The following DYM variants were observed in gnomAD, a reference collection of about 807,000 sequenced individuals.
The protein encoded by DYM is dymeclin.
A neutral mutation model predicts 93.1 loss-of-function variants in DYM; 78 were observed. That is an observed-to-expected ratio of 0.84 (90% confidence interval 0.70 to 1.01). The LOEUF is 1.01. Ranked by LOEUF, DYM falls within the 50% of genes least tolerant of loss-of-function variation. The pLI is 0.00. For synonymous variants in DYM, 321 were observed against 319.7 expected (o/e 1.00, Z -0.04); for missense variants, 789 against 845.0 (o/e 0.93, Z 0.82).
intron 8 of DYM, among the ~76,000 whole-genome samples, chr18:49,317,641 C>A (rs1237357961): frequency 3.5e-5 from 2 of 56,410 alleles, no homozygotes; most frequent in Non-Finnish European, 6.5e-5. Flanking sequence ...CTCCTATCCT[C>A]TCCTCTCCTT....
chr18:49,438,040 A>T (rs1361507537), intron 1 of DYM, among the ~76,000 whole-genome samples: 1 of 152,178 alleles, frequency 6.6e-6, no homozygotes, highest in Admixed American at 6.5e-5. Flanking sequence ...TTTAAAAACT[A>T]GCTGGGCGTG....
chr18:49,065,517 C>T (rs2076323776), intron 17 of DYM, among the ~76,000 whole-genome samples: 1 of 152,168 alleles, frequency 6.6e-6, no homozygotes, highest in Non-Finnish European at 1.5e-5. Flanking sequence ...GATGCACCAC[C>T]ATGCCTGGCT....
chr18:49,334,843 C>T (rs1312976522), intron 6 of DYM, among the ~76,000 whole-genome samples: 1 of 152,166 alleles, frequency 6.6e-6, no homozygotes, highest in African/African-American at 2.4e-5. Flanking sequence ...CAGTGGCTCA[C>T]GCCTGTAATC....
chr18:49,272,158 T>C lies in DYM; in HGVS notation c.1251+20A>G. 6.2e-7 allele frequency: 1 copy of C among 1,609,812 alleles called. No homozygotes were observed. On this transcript the variant is annotated intron_variant, in intron 11 of 17. Coordinates refer to ENST00000675505, the MANE Select transcript of DYM (RefSeq NM_001353214.3). ...TCTGTTCTGTTAACTCTAACTCTAA[T>C]CCAAGTAATGGTAACTTACCACTTC...
intron 5 of DYM, among the ~76,000 whole-genome samples, chr18:49,364,370 G>A (rs922361176): frequency 1.3e-4 from 19 of 151,990 alleles, no homozygotes; most frequent in East Asian, 3.9e-4. Context: ...GCTTGAACCC[G>A]GGAGGAAGAG....
intron 17 of DYM, among the ~76,000 whole-genome samples, chr18:49,079,112 T>A (rs1461439318): frequency 3.3e-5 from 5 of 152,252 alleles, no homozygotes; most frequent in African/African-American, 9.6e-5. Context: ...TCTGTCTTTT[T>A]TCCATTTGGC....
chr18:49,432,891 A>C (rs964778856), intron 1 of DYM, among the ~76,000 whole-genome samples: 14 of 152,174 alleles, frequency 9.2e-5, no homozygotes, highest in Admixed American at 6.5e-5. Flanking sequence ...TGAGCTACTG[A>C]GCCTGGCCAA....
At chr18:49,058,321 T>C (rs1046680350) in intron 17 of DYM, among the ~76,000 whole-genome samples, 12 of 151,428 alleles carry the variant, frequency 7.9e-5, no homozygotes, top group Admixed American at 1.3e-4. Context: ...TTTTCTTCTT[T>C]TTTTTTTTTT....
chr18:49,425,762 A>C (rs950512021), intron 2 of DYM, among the ~76,000 whole-genome samples: 6 of 152,246 alleles, frequency 3.9e-5, no homozygotes, highest in African/African-American at 1.4e-4. Context: ...TCTCAAAAGA[A>C]GACATTTATG....
chr18:49,063,397 T>G (rs987833979), intron 17 of DYM, among the ~76,000 whole-genome samples: 1 of 151,526 alleles, frequency 6.6e-6, no homozygotes, highest in African/African-American at 2.4e-5. Context: ...AATAGATATA[T>G]GAACAGAACT....
At chr18:49,356,532 C>T (rs1027705593) in intron 6 of DYM, among the ~76,000 whole-genome samples, 2 of 152,190 alleles carry the variant, frequency 1.3e-5, no homozygotes, top group African/African-American at 4.8e-5. Context: ...CTCACTCCTC[C>T]ACCCACCTTA....
chr18:49,421,538 G>C (rs1213291020), intron 2 of DYM, among the ~76,000 whole-genome samples: 1 of 152,192 alleles, frequency 6.6e-6, no homozygotes, highest in Non-Finnish European at 1.5e-5. Context: ...AAACCACAAA[G>C]ATGGGAAGAA....
At chr18:49,365,594 G>C (rs906965524) in intron 5 of DYM, among the ~76,000 whole-genome samples, 2 of 152,120 alleles carry the variant, frequency 1.3e-5, no homozygotes, top group Non-Finnish European at 1.5e-5. Flanking sequence ...TTTGCTAAAT[G>C]GTCACTCCTT....
At chr18:49,218,375 G>A (rs2093181959) in intron 13 of DYM, among the ~76,000 whole-genome samples, 1 of 152,152 alleles carries the variant, frequency 6.6e-6, no homozygotes, top group Non-Finnish European at 1.5e-5. Flanking sequence ...GGATATCCAG[G>A]AATTGAACTC....
At chr18:49,339,052 A>AG in intron 6 of DYM, among the ~76,000 whole-genome samples, 1 of 151,586 alleles carries the variant, frequency 6.6e-6, no homozygotes, top group East Asian at 1.9e-4. Flanking sequence ...GAACTCTGCT[A>AG]GAAAAAAAAA....
intron 2 of DYM, among the ~76,000 whole-genome samples, chr18:49,415,792 T>C (rs908413658): frequency 2.0e-5 from 3 of 152,102 alleles, no homozygotes; most frequent in Admixed American, 1.3e-4. Flanking sequence ...CCAGGCATGG[T>C]GGCATGTGCC....
At chr18:49,386,231 A>G (rs541304296) in intron 3 of DYM, among the ~76,000 whole-genome samples, 1 of 152,338 alleles carries the variant, frequency 6.6e-6, no homozygotes, top group African/African-American at 2.4e-5. Flanking sequence ...AATAGAGACC[A>G]GAAGGCAGTA....
intron 3 of DYM, among the ~76,000 whole-genome samples, chr18:49,385,861 G>A (rs1237297516): frequency 2.0e-5 from 3 of 151,974 alleles, no homozygotes; most frequent in Admixed American, 6.6e-5. Context: ...GGATAAGAGT[G>A]TGAGACCCTA....
intron 15 of DYM, among the ~76,000 whole-genome samples, chr18:49,145,187 G>C (rs747672392): frequency 7.2e-6 from 1 of 139,140 alleles, no homozygotes; most frequent in Non-Finnish European, 1.5e-5. Context: ...AACAAAATTA[G>C]AATATTTCAC....
Sources: allele counts gnomAD v4.1 joint callset (sites outside exome capture counted in the v4.1 genomes callset), GRCh38; gene constraint gnomAD v4.1.1; transcripts MANE v1.5; gene names NCBI Gene and HGNC (gene_info 2026-07-23, HGNC 2026-07-21).